Variants in SLC26A11 observed in about 807,000 individuals in gnomAD.
SLC26A11 encodes sodium-independent sulfate anion transporter.
A neutral mutation model predicts 62.2 loss-of-function variants in SLC26A11; 58 were observed. That is an observed-to-expected ratio of 0.93 (90% CI 0.76 to 1.16). SLC26A11 has a LOEUF of 1.16. Ranked by LOEUF, SLC26A11 falls within the 50% of genes most tolerant of loss-of-function variation. The probability of loss-of-function intolerance (pLI) is 0.00; values close to 1 mark genes in which losing one functional copy is unlikely to be tolerated. For synonymous variants in SLC26A11, 411 were observed against 368.9 expected (o/e 1.11, Z -1.31); for missense variants, 790 against 794.3 (o/e 0.99, Z 0.06).
rs185204750 is a variant in SLC26A11 at position 80,233,190 on chromosome 17, A to C, written c.737-3738A>C. On this transcript the variant is annotated intron_variant, in intron 7 of 17. Transcript: ENST00000361193. ...CTTGAACCTGGAAGGCAGAGATTGC[A>C]GTGAGCCAAGATCCGTCACTGAAGC... 2.2e-3 allele frequency among the ~76,000 whole-genome samples: 331 copies of C among 150,184 alleles called. 1 individual carries two copies. The highest frequency in any genetic ancestry group is 2.6e-3 in the Non-Finnish European group (174 of 67,614).
chr17:80,243,484 G>A lies in SLC26A11; in HGVS notation c.1036+1663G>A, dbSNP rs376627015. Among the ~76,000 whole-genome samples, 38 of 152,252 alleles carry A rather than the reference G, an allele frequency of 2.5e-4. No homozygotes were observed. In the South Asian group the frequency reaches 6.4e-3, roughly 26 times the overall value. On this transcript the variant is annotated intron_variant, in intron 10 of 17. Coordinates refer to ENST00000361193, the MANE Select transcript of SLC26A11 (RefSeq NM_001166347.2). ...ACGGTCTCGGCTTTCTGCAACCTCC[G>A]TCTCCTGGGTTCAAGCGATTCTCCT... is the stretch of plus-strand genomic sequence containing the variant.
Position 80,252,654 on chromosome 17 carries a change from C to T in SLC26A11, c.1759C>T (p.Gln587Ter), listed in dbSNP as rs1272302386. Residue 587 changes from glutamine to a stop codon, truncating the protein, a stop_gained, in exon 18 of 18, where the codon CAG becomes TAG. Coordinates refer to ENST00000361193, the MANE Select transcript of SLC26A11 (RefSeq NM_001166347.2). LOFTEE classifies it high-confidence loss of function. The surrounding 1 kb of genome is among the most constrained non-coding windows in gnomAD (Gnocchi z 5.2). Reference sequence around the variant, plus strand: ...GCACCTGAGGCAGGAGCCAGGGACCCAGCCCTACAACATCAGAGAAGACTC... The same window carrying T: ...GCACCTGAGGCAGGAGCCAGGGACCTAGCCCTACAACATCAGAGAAGACTC... ...EKHLRQEPGT[Q>*]PYNIREDSIL... is the part of the protein sequence containing the mutation. The T allele has an allele frequency of 6.2e-7, 1 of 1,614,004 alleles. No individual in the cohort carries two copies. The highest frequency in any genetic ancestry group is 8.5e-7 in the Non-Finnish European group (1 of 1,179,974).
rs1025085792 is a variant in SLC26A11 at position 80,249,457 on chromosome 17, G to A, written c.1656+170G>A. Among the ~76,000 whole-genome samples the A allele has an allele frequency of 3.3e-5, 5 of 152,188 alleles. 1 individual carries two copies. The highest frequency in any genetic ancestry group is 4.1e-4 in the South Asian group (2 of 4,832). The stretch of plus-strand genomic sequence containing the variant: ...TTCTTGTTCCCATCTGGCCTTCCTC[G>A]TCCCTCCCTGTGGAAGGGGGAGCGG... On this transcript the variant is annotated intron_variant, in intron 16 of 17. Coordinates refer to ENST00000361193, the MANE Select transcript of SLC26A11 (RefSeq NM_001166347.2).
chr17:80,224,202 AGTGTGTGAATGAGT>A (rs2042307659), intron 5 of SLC26A11, among the ~76,000 whole-genome samples: 1 of 72,504 alleles, frequency 1.4e-5, no homozygotes. Context: ...AGTGTGTGTG[AGTGTGTGAATGAGT>A]GAGTGTGTGA....
At chr17:80,221,514 C>G (rs200837246) in intron 2 of SLC26A11, 34 bp from the exon 3 acceptor site, 3 of 1,456,938 alleles carry the variant, frequency 2.1e-6, no homozygotes, top group South Asian at 1.3e-5. Context: ...AGGCCACGCT[C>G]TGACTGCTGG....
chr17:80,250,834 A>AAACG (rs1598849420), intron 16 of SLC26A11, among the ~76,000 whole-genome samples: 1 of 150,446 alleles, frequency 6.6e-6, no homozygotes, highest in Non-Finnish European at 1.5e-5. Flanking sequence ...TCTCAAAAAC[A>AAACG]AACAAACAAA....
chr17:80,251,298 C>G (rs1363406717), intron 16 of SLC26A11, 31 bp from the exon 17 acceptor site: 1 of 1,613,874 alleles, frequency 6.2e-7, no homozygotes, highest in Non-Finnish European at 8.5e-7. Flanking sequence ...AGGAACATCC[C>G]TGCCCTGGCT....
At chr17:80,232,158 CT>C (rs1425045834) in intron 7 of SLC26A11, among the ~76,000 whole-genome samples, 1 of 151,850 alleles carries the variant, frequency 6.6e-6, no homozygotes, top group South Asian at 2.1e-4. Context: ...TGGAATGATA[CT>C]TTTTTTTCTG....
chr17:80,232,058 T>A (rs1200613074), intron 7 of SLC26A11, among the ~76,000 whole-genome samples: 1 of 152,242 alleles, frequency 6.6e-6, no homozygotes, highest in Non-Finnish European at 1.5e-5. Context: ...TGACTTTGTC[T>A]ATTTTCCTTT....
In SLC26A11 at chr17:80,237,600, A is replaced by G; in HGVS notation, c.985+6A>G. On this transcript the variant is annotated splice_donor_region_variant and intron_variant, in intron 9 of 17. Coordinates refer to ENST00000361193, the MANE Select transcript of SLC26A11 (RefSeq NM_001166347.2). ...TGCGGTGGCCAAAGCCTTCGGTAAG[A>G]CGCCTGTCACCCACACCCCAGGTCT... The G allele has an allele frequency of 1.2e-6, 2 of 1,609,524 alleles. No individual in the cohort carries two copies. The highest frequency in any genetic ancestry group is 1.7e-6 in the Non-Finnish European group (2 of 1,178,228).
intron 9 of SLC26A11, among the ~76,000 whole-genome samples, chr17:80,237,857 G>A (rs1020901340): frequency 6.6e-5 from 10 of 152,308 alleles, no homozygotes; most frequent in Admixed American, 2.0e-4. Context: ...GTTTTGCTTC[G>A]TGGCCCTTGC....
chr17:80,248,453 G>T (rs2043067028), intron 14 of SLC26A11, 122 bp from the exon 15 acceptor site: 1 of 1,273,794 alleles, frequency 7.9e-7, no homozygotes, highest in Admixed American at 2.3e-5. Flanking sequence ...TCTCCCCTTA[G>T]CACCCCTCTC....
At chr17:80,221,413 C>T (rs555629726) in intron 2 of SLC26A11, 135 bp from the exon 3 acceptor site, 1 of 633,602 alleles carries the variant, frequency 1.6e-6, no homozygotes, top group East Asian at 2.8e-5. Flanking sequence ...TTGGCTTCCT[C>T]TTAGAGCCGT....
rs549430494 is a variant in SLC26A11 at position 80,252,313 on chromosome 17, G to A, written c.1730-312G>A. Among the ~76,000 whole-genome samples the A allele has an allele frequency of 1.4e-3, 214 of 152,300 alleles. 1 individual carries two copies. Among genetic ancestry groups the A allele is most frequent in the African/African-American group, 4.8e-3 (200 of 41,562 alleles). The stretch of plus-strand genomic sequence containing the variant: ...CCTTGGCTCAATGTGACGTCAGGGA[G>A]ATTCACCCATGTTGTTGTAGAATCA... On this transcript the variant is annotated intron_variant, in intron 17 of 17. Transcript: ENST00000361193. The surrounding 1 kb of genome is among the most constrained non-coding windows in gnomAD (Gnocchi z 5.2).
rs773235983 is a variant in SLC26A11, at chr17:80,228,050, G to A, written c.736+90G>A. On this transcript the variant is annotated intron_variant, in intron 7 of 17. Coordinates refer to ENST00000361193, the MANE Select transcript of SLC26A11 (RefSeq NM_001166347.2). This position sits in a 1 kb window ranked among gnomAD's most constrained non-coding sequence, Gnocchi z 4.1. ...CTAGTCCCACCCTAGGGATTCTCAC[G>A]TCATTGGTCTGGGTGTCACTTGAGC... The A allele has an allele frequency of 2.6e-5, 32 of 1,226,908 alleles. No homozygotes were observed. The highest frequency in any genetic ancestry group is 4.1e-5 in the South Asian group (3 of 73,738). 76.0% of individuals were successfully genotyped at this position (1,226,908 alleles called of 1,614,324 possible).
chr17:80,234,232 T>C (rs1292569192), intron 7 of SLC26A11, among the ~76,000 whole-genome samples: 4 of 152,184 alleles, frequency 2.6e-5, no homozygotes, highest in Non-Finnish European at 5.9e-5. Flanking sequence ...TTCGAACTCC[T>C]GACCTCAGGT....
At position 80,245,168 on chromosome 17, in the gene SLC26A11, C is replaced by T. The variant is rs180979617; in HGVS notation, c.1037-28C>T. ...CTCCATCCTGTGTGCCTTCCCTCCA[C>T]GATCAGCCTGTCTTGCCTCCTCCCC... On this transcript the variant is annotated intron_variant, in intron 10 of 17. Transcript: ENST00000361193. The T allele has an allele frequency of 6.9e-5, 111 of 1,610,962 alleles. No individual in the cohort carries two copies. In the African/African-American group the frequency reaches 1.0e-3, roughly 15 times the overall value.
chr17:80,222,905 C>G lies in SLC26A11; in HGVS notation c.427+58C>G. On this transcript the variant is annotated intron_variant, in intron 4 of 17. Coordinates refer to ENST00000361193, the MANE Select transcript of SLC26A11 (RefSeq NM_001166347.2). The surrounding 1 kb of genome is among the most constrained non-coding windows in gnomAD (Gnocchi z 4.7). ...CTCGACCTCAGCATTTGCTTGTTTG[C>G]ATTTCAAGTCTATCCCCGTGTGCGT... is the stretch of plus-strand genomic sequence containing the variant. The G allele has an allele frequency of 6.8e-7, 1 of 1,462,050 alleles. No individual in the cohort carries two copies. Among genetic ancestry groups the G allele is most frequent in the African/African-American group, 1.5e-5 (1 of 68,482 alleles). 90.6% of individuals were successfully genotyped at this position (1,462,050 alleles called of 1,614,324 possible).
intron 9 of SLC26A11, among the ~76,000 whole-genome samples, chr17:80,238,413 C>T (rs2042758130): frequency 6.6e-6 from 1 of 152,142 alleles, no homozygotes; most frequent in Non-Finnish European, 1.5e-5. Context: ...GTAACAGGCT[C>T]ACAAAACTCC....
Sources: gnomAD v4.1 joint callset for allele counts (sites outside exome capture counted in the v4.1 genomes callset) on GRCh38, gnomAD v4.1.1 for gene constraint, Gnocchi (gnomAD v3.1) non-coding constraint, MANE v1.5 for transcripts, NCBI Gene and HGNC (gene_info 2026-07-23, HGNC 2026-07-21) for gene names.